KCNH7: variants seen among roughly 807,000 people sequenced by gnomAD.
KCNH7 encodes the protein potassium voltage-gated channel subfamily H member 7.
A neutral mutation model predicts 120.8 loss-of-function variants in KCNH7; 49 were observed. The ratio of observed to expected loss-of-function variants is 0.41; its 90% CI spans 0.32 to 0.51. The LOEUF is 0.51. Ranked by LOEUF, KCNH7 falls within the 20% of genes least tolerant of loss-of-function variation. The pLI is 0.38. For synonymous variants in KCNH7, 547 were observed against 516.1 expected (o/e 1.06, Z -0.81); for missense variants, 1,097 against 1,446.6 (o/e 0.76, Z 3.92).
In KCNH7 at chr2:162,752,647, C is replaced by T. The variant is rs1468255772; in HGVS notation, c.307+83890G>A. Among the ~76,000 whole-genome samples, 3 of 152,012 alleles carry T rather than the reference C, an allele frequency of 2.0e-5. No homozygotes were observed. In the East Asian group the frequency reaches 5.8e-4, roughly 29 times the overall value. ...GGTGCAGTGGCTCACGTCTGTAATCCCAGCACTTTGGGAGGCCAAGGCAGG... is the reference window on the plus strand; with the variant it reads ...GGTGCAGTGGCTCACGTCTGTAATCTCAGCACTTTGGGAGGCCAAGGCAGG... On this transcript the variant is annotated intron_variant, in intron 2 of 15. Transcript: ENST00000332142.
chr2:162,600,476 C>T (rs989480943), intron 2 of KCNH7, among the ~76,000 whole-genome samples: 1 of 152,088 alleles, frequency 6.6e-6, no homozygotes. Flanking sequence ...TTCTAAACAG[C>T]AGCAAGTCTC....
chr2:162,690,128 G>T (rs1204404735), intron 2 of KCNH7, among the ~76,000 whole-genome samples: 3 of 152,072 alleles, frequency 2.0e-5, no homozygotes, highest in Non-Finnish European at 4.4e-5. Context: ...CTGACACAGG[G>T]ACAGAAAACC....
intron 2 of KCNH7, among the ~76,000 whole-genome samples, chr2:162,542,624 C>A (rs1402912388): frequency 6.6e-6 from 1 of 151,906 alleles, no homozygotes; most frequent in Non-Finnish European, 1.5e-5. Flanking sequence ...TGTATATGTG[C>A]CACATTTCCT....
intron 6 of KCNH7, among the ~76,000 whole-genome samples, chr2:162,469,643 C>G (rs1361785218): frequency 6.6e-6 from 1 of 152,048 alleles, no homozygotes; most frequent in Non-Finnish European, 1.5e-5. Context: ...TAAGGACTAC[C>G]CAGAAAGCTT....
intron 6 of KCNH7, among the ~76,000 whole-genome samples, chr2:162,484,221 A>C (rs958619374): frequency 9.7e-6 from 1 of 103,186 alleles, no homozygotes; most frequent in African/African-American, 6.0e-5. Context: ...GAGTCTTTCA[A>C]CACACACACA....
chr2:162,815,932 C>T (rs571230758), intron 2 of KCNH7, among the ~76,000 whole-genome samples: 1 of 152,290 alleles, frequency 6.6e-6, no homozygotes, highest in Non-Finnish European at 1.5e-5. Flanking sequence ...TTCCTCATAA[C>T]CTCATCCTCC....
rs540562939 is a variant in KCNH7, at chr2:162,651,070, A to G, written c.308-113990T>C. 6.6e-4 allele frequency among the ~76,000 whole-genome samples: 101 copies of G among 152,356 alleles called. 3 individuals carry two copies. The South Asian group carries it at 0.02, about 31-fold the overall frequency. On this transcript the variant is annotated intron_variant, in intron 2 of 15. Transcript: ENST00000332142. ...TAAGTTTTTGAAACACTTATGAAGGACTAACACTGCCCAAAGGTATACTGA... is the reference window on the plus strand; with the variant it reads ...TAAGTTTTTGAAACACTTATGAAGGGCTAACACTGCCCAAAGGTATACTGA...
At chr2:162,481,863 T>C (rs1206345298) in intron 6 of KCNH7, among the ~76,000 whole-genome samples, 1 of 152,140 alleles carries the variant, frequency 6.6e-6, no homozygotes, top group Admixed American at 6.5e-5. Flanking sequence ...TTGAGAGATA[T>C]TTTAAAAAGA....
chr2:162,549,388 C>T (rs1244099955), intron 2 of KCNH7, among the ~76,000 whole-genome samples: 2 of 152,358 alleles, frequency 1.3e-5, no homozygotes, highest in East Asian at 1.9e-4. Flanking sequence ...TTCATCAAAA[C>T]ACCAATGGTT....
intron 2 of KCNH7, among the ~76,000 whole-genome samples, chr2:162,621,200 G>T (rs1683341643): frequency 1.1e-5 from 1 of 94,930 alleles, no homozygotes. Context: ...ATTTTATTTT[G>T]TGATTTTTTT....
chr2:162,838,386 C>T (rs1313300468), intron 1 of KCNH7, 57 bp downstream of exon 1: 24 of 1,435,020 alleles, frequency 1.7e-5, no homozygotes, highest in Non-Finnish European at 3.9e-6. Flanking sequence ...GCGGTGGACG[C>T]CAAGTGCACT....
chr2:162,545,062 C>T (rs1692432574), intron 2 of KCNH7, among the ~76,000 whole-genome samples: 1 of 152,078 alleles, frequency 6.6e-6, no homozygotes, highest in Non-Finnish European at 1.5e-5. Flanking sequence ...ATTTTCTCAA[C>T]TAAGTAGCAG....
intron 6 of KCNH7, among the ~76,000 whole-genome samples, chr2:162,495,477 C>T (rs546319577): frequency 6.6e-6 from 1 of 152,272 alleles, no homozygotes; most frequent in East Asian, 1.9e-4. Context: ...GAACAGAGTT[C>T]TATTAAAGCC....
At chr2:162,665,129 A>G (rs1044712163) in intron 2 of KCNH7, among the ~76,000 whole-genome samples, 1 of 152,186 alleles carries the variant, frequency 6.6e-6, no homozygotes, top group Non-Finnish European at 1.5e-5. Flanking sequence ...TTTTGCTCAC[A>G]ATTTTGATAT....
chr2:162,499,004 C>T (rs1204196910), intron 6 of KCNH7, among the ~76,000 whole-genome samples: 1 of 152,090 alleles, frequency 6.6e-6, no homozygotes, highest in African/African-American at 2.4e-5. Context: ...CATTCTGTTA[C>T]AGTATTGACT....
chr2:162,606,930 A>G (rs1682792402), intron 2 of KCNH7, among the ~76,000 whole-genome samples: 1 of 152,190 alleles, frequency 6.6e-6, no homozygotes, highest in Non-Finnish European at 1.5e-5. Context: ...TCAAAAAGCA[A>G]CTAAATTATT....
chr2:162,517,555 G>A (rs1184007025), intron 4 of KCNH7, among the ~76,000 whole-genome samples, 175 bp downstream of exon 4: 1 of 151,602 alleles, frequency 6.6e-6, no homozygotes, highest in African/African-American at 2.4e-5. Context: ...TACTCACAAG[G>A]GTTCAAAGAG....
At chr2:162,798,107 G>A (rs1468880844) in intron 2 of KCNH7, 1 of 151,940 alleles carries the variant, frequency 6.6e-6, no homozygotes, top group East Asian at 1.9e-4. Flanking sequence ...AAAAACAAAG[G>A]TAAAAATCTA....
At chr2:162,541,396 A>G (rs1692298346) in intron 2 of KCNH7, among the ~76,000 whole-genome samples, 1 of 151,994 alleles carries the variant, frequency 6.6e-6, no homozygotes, top group South Asian at 2.1e-4. Context: ...GTAGAAAGAT[A>G]ATCAAGATTG....
Sources: allele counts gnomAD v4.1 joint callset (sites outside exome capture counted in the v4.1 genomes callset), GRCh38; gene constraint gnomAD v4.1.1; transcripts MANE v1.5; gene names NCBI Gene and HGNC (gene_info 2026-07-23, HGNC 2026-07-21).